The following COX17 variants were observed in gnomAD, a reference collection of about 807,000 sequenced individuals.
COX17 encodes cytochrome c oxidase copper chaperone.
A neutral mutation model predicts 6.3 loss-of-function variants in COX17; 1 was observed. That is an observed-to-expected ratio of 0.16 (90% CI 0.06 to 0.75). The LOEUF (loss-of-function observed/expected upper bound fraction) is 0.75, where lower values mean the gene tolerates loss of function less well. COX17 is among the 30% of genes least tolerant of loss of function. The pLI, the probability that COX17 is intolerant of heterozygous loss-of-function variation, is 0.77. For missense variants in COX17, 73 were observed against 81.2 expected (o/e 0.90, Z 0.39); for synonymous variants, 26 against 30.5 (o/e 0.85, Z 0.49).
chr3:119,677,008 C>CG (rs2053107788), intron 1 of COX17, 196 bp downstream of exon 1: 1 of 322,374 alleles, frequency 3.1e-6, no homozygotes. Context: ...CGCAATGGGG[C>CG]GGGGCGGGGC....
At position 119,670,993 on chromosome 3, in the gene COX17, T is replaced by C. The variant is rs115129324; in HGVS notation, c.*5-1328A>G. ...CTAATGAGGTTCTAGGTTCTTCTAATTACTCTTTTCAGTAAAAGCAGCAGT... is the reference window on the plus strand; with the variant it reads ...CTAATGAGGTTCTAGGTTCTTCTAACTACTCTTTTCAGTAAAAGCAGCAGT... On this transcript the variant is annotated intron_variant, in intron 2 of 2. Transcript: ENST00000261070. Among the ~76,000 whole-genome samples, 245 of 152,290 alleles carry C rather than the reference T, an allele frequency of 1.6e-3. 1 individual carries two copies. Among genetic ancestry groups the C allele is most frequent in the African/African-American group, 5.7e-3 (237 of 41,570 alleles).
At chr3:119,674,550 C>T (rs1322846203) in intron 2 of COX17, 1 of 152,456 alleles carries the variant, frequency 6.6e-6, no homozygotes, top group African/African-American at 2.4e-5. Context: ...AATCCCAGCA[C>T]TTTGGGAGAC....
downstream of COX17, among the ~76,000 whole-genome samples, chr3:119,668,541 A>G (rs1255202047): frequency 1.3e-5 from 2 of 150,886 alleles, no homozygotes; most frequent in Non-Finnish European, 3.0e-5. Flanking sequence ...TATTACTTCT[A>G]TACCTTTTTT....
At chr3:119,669,297 C>T (rs1261921938), downstream of COX17, 12 of 149,930 alleles carry the variant, frequency 8.0e-5, no homozygotes, top group Admixed American at 6.6e-4. Flanking sequence ...ATGGCTACCA[C>T]ACTGATTCTG....
At chr3:119,667,411 A>T (rs2053002163), downstream of COX17, among the ~76,000 whole-genome samples, 1 of 152,186 alleles carries the variant, frequency 6.6e-6, no homozygotes. Context: ...CAGTTCCCTT[A>T]CAAATCAGGC....
chr3:119,669,820 C>T (rs2053026653), intron 2 of COX17, among the ~76,000 whole-genome samples, 155 bp from the exon 3 acceptor site: 1 of 152,034 alleles, frequency 6.6e-6, no homozygotes, highest in Admixed American at 6.6e-5. Context: ...TCAAAATCAA[C>T]ATTTTAAAAT....
chr3:119,667,249 T>C (rs551831656), downstream of COX17, among the ~76,000 whole-genome samples: 5 of 152,326 alleles, frequency 3.3e-5, no homozygotes, highest in South Asian at 1.0e-3. Flanking sequence ...GGCCAAGTTC[T>C]TCACTTTTCA....
At chr3:119,666,081 C>A (rs1434893489), downstream of COX17, among the ~76,000 whole-genome samples, 2 of 152,120 alleles carry the variant, frequency 1.3e-5, no homozygotes, top group African/African-American at 4.8e-5. Flanking sequence ...TCAATTGTGA[C>A]GGAATTTGTT....
downstream of COX17, among the ~76,000 whole-genome samples, chr3:119,665,919 TG>T (rs561276714): frequency 5.3e-5 from 8 of 152,366 alleles, no homozygotes; most frequent in East Asian, 1.5e-3. Flanking sequence ...AGAATTATTT[TG>T]CTCTACCAAT....
chr3:119,668,545 C>CTTTT (rs35724558), downstream of COX17, among the ~76,000 whole-genome samples: 1,744 of 142,188 alleles, frequency 0.012, 21 homozygotes, highest in Middle Eastern at 0.029. Context: ...ACTTCTATAC[C>CTTTT]TTTTTTTTTT....
chr3:119,666,263 C>T (rs1254289246), downstream of COX17, among the ~76,000 whole-genome samples: 1 of 152,142 alleles, frequency 6.6e-6, no homozygotes, highest in African/African-American at 2.4e-5. Context: ...ACTAAGAGTC[C>T]ATGCCCAGGG....
downstream of COX17, among the ~76,000 whole-genome samples, chr3:119,665,567 TCTCA>T (rs2052986599): frequency 6.6e-6 from 1 of 152,142 alleles, no homozygotes; most frequent in African/African-American, 2.4e-5. Flanking sequence ...AGAGACAGGT[TCTCA>T]CTATGTTGCC....
At chr3:119,671,688 T>C (rs188942696) in intron 2 of COX17, among the ~76,000 whole-genome samples, 10 of 152,358 alleles carry the variant, frequency 6.6e-5, no homozygotes, top group Admixed American at 4.6e-4. Context: ...AGATCAAGAT[T>C]ATGTGCAATC....
intron 1 of COX17, 109 bp from the exon 2 acceptor site, chr3:119,675,342 G>T: frequency 2.7e-6 from 2 of 740,824 alleles, no homozygotes; most frequent in Non-Finnish European, 4.6e-6. Flanking sequence ...GAATGTAGCT[G>T]GAATTAAAAC....
intron 2 of COX17, among the ~76,000 whole-genome samples, chr3:119,671,061 T>G (rs1022526556): frequency 1.3e-5 from 2 of 152,182 alleles, no homozygotes; most frequent in Non-Finnish European, 2.9e-5. Flanking sequence ...ACCATACCTA[T>G]TTTTTCTTGA....
intron 2 of COX17, among the ~76,000 whole-genome samples, chr3:119,672,130 T>C (rs530895827): frequency 4.6e-5 from 7 of 152,354 alleles, no homozygotes; most frequent in African/African-American, 1.2e-4. Flanking sequence ...TTATTTTACA[T>C]TGAATCATCA....
At chr3:119,665,999 G>A (rs1019807728), downstream of COX17, among the ~76,000 whole-genome samples, 2 of 152,112 alleles carry the variant, frequency 1.3e-5, no homozygotes, top group Admixed American at 1.3e-4. Flanking sequence ...GACTGTTCAG[G>A]GTGACCTGTT....
chr3:119,670,416 T>A (rs1181043938), intron 2 of COX17, among the ~76,000 whole-genome samples: 1 of 152,228 alleles, frequency 6.6e-6, no homozygotes, highest in African/African-American at 2.4e-5. Flanking sequence ...ACATCTAAAC[T>A]CTTTTCTAAA....
chr3:119,674,439 C>T (rs936054000), intron 2 of COX17: 1 of 152,084 alleles, frequency 6.6e-6, no homozygotes, highest in African/African-American at 2.4e-5. Context: ...ATAAAGCATG[C>T]TACAATTCCA....
Sources: gnomAD v4.1 joint callset for allele counts (sites outside exome capture counted in the v4.1 genomes callset) on GRCh38, gnomAD v4.1.1 for gene constraint, MANE v1.5 for transcripts, NCBI Gene and HGNC (gene_info 2026-07-23, HGNC 2026-07-21) for gene names.